Variants in TOP2A observed in about 807,000 individuals in gnomAD.
The protein encoded by TOP2A is DNA topoisomerase II alpha.
A neutral mutation model predicts 187.2 loss-of-function variants in TOP2A; 68 were observed. That is an observed-to-expected ratio of 0.36 (90% CI 0.30 to 0.44). TOP2A has a LOEUF of 0.44. TOP2A is among the 20% of genes least tolerant of loss of function. The pLI is 1.00. For missense variants in TOP2A, 1,196 were observed against 1,808.7 expected, an observed-to-expected ratio of 0.66 and a Z score of 6.14; for synonymous variants, 542 against 593.2, an observed-to-expected ratio of 0.91 and a Z score of 1.25.
In TOP2A at chr17:40,399,052, T is replaced by G. The variant is rs906018018; in HGVS notation, c.3276A>C (p.Glu1092Asp). The change falls in exon 25 of 35, where the codon GAA (glutamate) becomes GAC (aspartate). Residue 1092 changes from glutamate to aspartate, a missense_variant. Physicochemically the swap from Glu to Asp is conservative, Grantham distance 45. Around this residue, in one of 10 missense-constraint regions of TOP2A, gnomAD observed 232 missense variants for 306.1 expected, o/e 0.76. Coordinates refer to ENST00000423485, the MANE Select transcript of TOP2A (RefSeq NM_001067.4). ...CACCCAAGATTACCTTTTGCTGGGCTTCTTTCCAGGCCTTCACAGGATCCG... is the reference window on the plus strand; with the variant it reads ...CACCCAAGATTACCTTTTGCTGGGCGTCTTTCCAGGCCTTCACAGGATCCG... The part of the protein sequence containing the change: ...YDSDPVKAWK[E>D]AQQKVPDEEE... The G allele has an allele frequency of 4.4e-6, 7 of 1,592,020 alleles. No individual in the cohort carries two copies. Among genetic ancestry groups the G allele is most frequent in the Non-Finnish European group, 6.0e-6 (7 of 1,167,578 alleles).
Position 40,394,052 on chromosome 17 carries a change from C to T in TOP2A, c.3812-1315G>A, listed in dbSNP as rs931475972. On this transcript the variant is annotated intron_variant, in intron 29 of 34. Coordinates refer to ENST00000423485, the MANE Select transcript of TOP2A (RefSeq NM_001067.4). The stretch of plus-strand genomic sequence containing the variant: ...CTGCATGCCAGCCTGGGCGACAGAG[C>T]GAAACTCTGCCTCAAAAAAAAAAAA... 1.2e-3 allele frequency among the ~76,000 whole-genome samples: 144 copies of T among 120,028 alleles called. 1 individual carries two copies. The highest frequency in any genetic ancestry group is 4.7e-3 in the African/African-American group (138 of 29,252). 78.7% of individuals were successfully genotyped at this position (120,028 alleles called of 152,430 possible).
intron 29 of TOP2A, 27 bp downstream of exon 29, chr17:40,395,422 A>G (rs2035081991): frequency 6.8e-7 from 1 of 1,473,902 alleles, no homozygotes; most frequent in Non-Finnish European, 9.4e-7. Context: ...TTCACTTTAT[A>G]CCATTTTTCT....
chr17:40,398,745 A>G (rs2035135231), intron 26 of TOP2A, 28 bp downstream of exon 26: 1 of 1,605,362 alleles, frequency 6.2e-7, no homozygotes, highest in Non-Finnish European at 8.5e-7. Context: ...AAAACTAAGC[A>G]GCATGTACCA....
chr17:40,416,603 AC>A, intron 2 of TOP2A, 91 bp from the exon 3 acceptor site: 1 of 1,421,392 alleles, frequency 7.0e-7, no homozygotes, highest in Non-Finnish European at 9.9e-7. Context: ...ATTAAGTATT[AC>A]CATATTTAGG....
chr17:40,398,615 T>G lies in TOP2A; in HGVS notation c.3480A>C (p.Arg1160Ser), dbSNP rs61756257. 3.8e-4 allele frequency: 609 copies of G among 1,595,112 alleles called. 1 individual carries two copies. The African/African-American group carries it at 7.1e-3, about 19-fold the overall frequency. The change falls in exon 27 of 35, where the codon AGA (arginine) becomes AGC (serine). Residue 1160 changes from arginine to serine, a missense_variant. Arg to Ser is a moderately radical substitution (Grantham distance 110). Coordinates refer to ENST00000423485, the MANE Select transcript of TOP2A (RefSeq NM_001067.4). ...CTTTCCACAAATCTGATGGACTCTT[T>G]CTTTTTAATGTGTCCAGCTCTTGTT... ...EKEQELDTLK[R>S]KSPSDLWKED...
rs759531956 is a variant in TOP2A, at chr17:40,398,761, C to T, written c.3453+12G>A. The T allele has an allele frequency of 2.5e-6, 4 of 1,607,700 alleles. No individual in the cohort carries two copies. Among genetic ancestry groups the T allele is most frequent in the Non-Finnish European group, 3.4e-6 (4 of 1,178,106 alleles). On this transcript the variant is annotated intron_variant, in intron 26 of 34. Coordinates refer to ENST00000423485, the MANE Select transcript of TOP2A (RefSeq NM_001067.4). ...AAACTAAGCAGCATGTACCATCCTA[C>T]TATCAACTCACTTTTTCATTTCTTA...
At position 40,417,869 on chromosome 17, in the gene TOP2A, G is replaced by A. The variant is rs1329763344; in HGVS notation, c.-78C>T. 1 of 1,593,336 alleles carries A rather than the reference G, an allele frequency of 6.3e-7. No individual in the cohort carries two copies. The highest frequency in any genetic ancestry group is 8.6e-7 in the Non-Finnish European group (1 of 1,166,938). ...ACCCCACGAGACCACCCCCGACCAAGCCGCTTCTCCACAGACGCGCGTCGG... is the reference window on the plus strand; with the variant it reads ...ACCCCACGAGACCACCCCCGACCAAACCGCTTCTCCACAGACGCGCGTCGG... On this transcript the variant is annotated 5_prime_UTR_variant, in exon 1 of 35. Transcript: ENST00000423485.
At position 40,396,544 on chromosome 17, in the gene TOP2A, AT is replaced by A. The variant is rs1176296023; in HGVS notation, c.3538-80del. The stretch of plus-strand genomic sequence containing the variant: ...ATCTAAACACCCAACAGTTAAACTG[AT>A]TTCATTTTGTTACATCTTAAAAACT... On this transcript the variant is annotated intron_variant, in intron 27 of 34. Coordinates refer to ENST00000423485, the MANE Select transcript of TOP2A (RefSeq NM_001067.4). 4 of 1,524,370 alleles carry A rather than the reference AT, an allele frequency of 2.6e-6. No individual in the cohort carries two copies. The Admixed American group carries it at 6.2e-5, about 24-fold the overall frequency. 94.4% of individuals were successfully genotyped at this position (1,524,370 alleles called of 1,614,324 possible).
chr17:40,402,490 A>G (rs2035194132), intron 20 of TOP2A, among the ~76,000 whole-genome samples: 1 of 152,206 alleles, frequency 6.6e-6, no homozygotes, highest in South Asian at 2.1e-4. Flanking sequence ...GAGAACCAGA[A>G]GAGTCTACAG....
chr17:40,400,792 T>TA, intron 21 of TOP2A, 58 bp downstream of exon 21: 1 of 1,566,116 alleles, frequency 6.4e-7, no homozygotes, highest in Admixed American at 1.8e-5. Flanking sequence ...AATCATACAA[T>TA]CTATTCAACT....
At position 40,411,952 on chromosome 17, in the gene TOP2A, C is replaced by T; in HGVS notation, c.790-134G>A. On this transcript the variant is annotated intron_variant, in intron 7 of 34. Transcript: ENST00000423485. The surrounding 1 kb of genome is among the most constrained non-coding windows in gnomAD (Gnocchi z 4.4). ...ATAAGGGAATGGTCATTAAAGGACA[C>T]AGGCCGAGGTGGGTGGATCACTTGA... The T allele has an allele frequency of 1.4e-6, 1 of 726,200 alleles. No homozygotes were observed. The highest frequency in any genetic ancestry group is 2.1e-6 in the Non-Finnish European group (1 of 471,462). 45.0% of individuals were successfully genotyped at this position (726,200 alleles called of 1,614,324 possible). A position where few individuals can be genotyped will look rare whatever the true frequency, so the allele number is the denominator to read the frequency against.
chr17:40,406,613 T>C lies in TOP2A; in HGVS notation c.1814A>G (p.His605Arg). The C allele has an allele frequency of 6.2e-7, 1 of 1,611,890 alleles. No homozygotes were observed. The highest frequency in any genetic ancestry group is 8.5e-7 in the Non-Finnish European group (1 of 1,179,362). Residue 605 changes from histidine (H) to arginine (R), a missense_variant, in exon 15 of 35, where the codon CAT becomes CGT. Transcript: ENST00000423485. ...FEEWKSSTPN[H>R]KKWKVKYYKG... ...GTAATATTTGACTTTCCATTTTTTA[T>C]GATTTGGAGTAGAACTCTTCCACTC... is the stretch of plus-strand genomic sequence containing the variant.
At chr17:40,404,524 C>T (rs761358294) in intron 17 of TOP2A, 33 bp from the exon 18 acceptor site, 41 of 1,261,448 alleles carry the variant, frequency 3.3e-5, no homozygotes, top group Non-Finnish European at 4.3e-5. Flanking sequence ...ATGAGTCTAC[C>T]GGTCTAAACA....
At chr17:40,405,010 C>T (rs1196088230) in intron 16 of TOP2A, 127 bp from the exon 17 acceptor site, 6 of 597,240 alleles carry the variant, frequency 1.0e-5, no homozygotes, top group Admixed American at 3.2e-5. Context: ...TTTTTTGAGA[C>T]GGGAGTTACT....
intron 29 of TOP2A, among the ~76,000 whole-genome samples, chr17:40,394,275 T>C (rs1265322847): frequency 6.6e-6 from 1 of 152,114 alleles, no homozygotes; most frequent in Non-Finnish European, 1.5e-5. Flanking sequence ...TTCAGTTTTC[T>C]TGGGGGGCAA....
chr17:40,406,936 CT>C lies in TOP2A; in HGVS notation c.1632del (p.Asp545MetfsTer9). 1.3e-6 allele frequency: 2 copies of C among 1,592,140 alleles called. No individual in the cohort carries two copies. The highest frequency in any genetic ancestry group is 1.7e-6 in the Non-Finnish European group (2 of 1,168,022). On this transcript the variant is annotated frameshift_variant, in exon 14 of 35. Transcript: ENST00000423485. LOFTEE classifies it high-confidence loss of function. ...GKIMIMTDQD[Q>X]DGSHIKGLLI... is the part of the protein sequence containing the mutation. ...AGCAAGCCTTTGATGTGGGAACCAT[CT>C]TGGTCCTAGAAAGATTTGAAAGCCA...
At chr17:40,395,088 G>T (rs191598065) in intron 29 of TOP2A, among the ~76,000 whole-genome samples, 47 of 152,090 alleles carry the variant, frequency 3.1e-4, no homozygotes, top group Non-Finnish European at 5.4e-4. Flanking sequence ...TTTGAGACCA[G>T]CCTGACTAAC....
chr17:40,409,194 CAAAAAAAA>C (rs35266834), intron 10 of TOP2A: 31 of 73,524 alleles, frequency 4.2e-4, no homozygotes, highest in South Asian at 4.5e-4. Flanking sequence ...AACTCCGTCT[CAAAAAAAA>C]AAAAAAAAAA....
At position 40,413,380 on chromosome 17, in the gene TOP2A, TAG is replaced by T. The variant is rs1256263745; in HGVS notation, c.479-90_479-89del. ...AATCACTGGCAGAGCTATTCAATTATAGAGATTTATTTCCATATCTTTAACCC... is the reference window on the plus strand; with the variant it reads ...AATCACTGGCAGAGCTATTCAATTATAGATTTATTTCCATATCTTTAACCC... On this transcript the variant is annotated intron_variant, in intron 5 of 34. Coordinates refer to ENST00000423485, the MANE Select transcript of TOP2A (RefSeq NM_001067.4). 1.0e-5 allele frequency: 14 copies of T among 1,390,000 alleles called. No individual in the cohort carries two copies. In the African/African-American group the frequency reaches 1.7e-4, roughly 17 times the overall value. 86.1% of individuals were successfully genotyped at this position (1,390,000 alleles called of 1,614,324 possible).
Sources: gnomAD v4.1 joint callset for allele counts (sites outside exome capture counted in the v4.1 genomes callset) on GRCh38, gnomAD v4.1.1 for gene constraint, gnomAD v4.1.1 regional missense constraint, Gnocchi (gnomAD v3.1) non-coding constraint, MANE v1.5 for transcripts, NCBI Gene and HGNC (gene_info 2026-07-23, HGNC 2026-07-21) for gene names.